Variants in FAM222B observed in about 807,000 individuals in gnomAD.
FAM222B encodes protein FAM222B.
A neutral mutation model predicts 38.0 loss-of-function variants in FAM222B; 12 were observed. The observed-to-expected ratio is 0.32, with a 90% CI of 0.20 to 0.51. FAM222B has a LOEUF of 0.51. Among genes scored for constraint, FAM222B ranks in the 20% least tolerant of loss-of-function variants. FAM222B has a pLI of 0.97. For missense variants in FAM222B, 716 were observed against 754.2 expected, an observed-to-expected ratio of 0.95 and a Z score of 0.59; for synonymous variants, 329 against 317.2, an observed-to-expected ratio of 1.04 and a Z score of -0.40.
chr17:28,792,794 AAAAAG>A (rs1377560404), intron 1 of FAM222B, among the ~76,000 whole-genome samples: 2 of 151,464 alleles, frequency 1.3e-5, no homozygotes, highest in Admixed American at 1.3e-4. Flanking sequence ...AAAAAAAAAA[AAAAAG>A]AAAGAAGAAA....
intron 1 of FAM222B, among the ~76,000 whole-genome samples, chr17:28,841,796 G>T (rs1567910606): frequency 6.6e-6 from 1 of 152,150 alleles, no homozygotes; most frequent in Non-Finnish European, 1.5e-5. Flanking sequence ...GCTGCAAACC[G>T]TTTGTAAAAA....
chr17:28,846,523 GC>G (rs2039147165), upstream of FAM222B, among the ~76,000 whole-genome samples: 1 of 151,958 alleles, frequency 6.6e-6, no homozygotes, highest in South Asian at 2.1e-4. Flanking sequence ...CAAAAAATTA[GC>G]CGGGTGTGGT....
At chr17:28,841,190 G>C (rs2039025396) in intron 1 of FAM222B, among the ~76,000 whole-genome samples, 9 of 151,880 alleles carry the variant, frequency 5.9e-5, no homozygotes, top group Admixed American at 5.2e-4. Flanking sequence ...AGCTACTCAG[G>C]AGGCTGAGAC....
chr17:28,847,773 G>A (rs977824509), upstream of FAM222B, among the ~76,000 whole-genome samples: 1 of 151,788 alleles, frequency 6.6e-6, no homozygotes, highest in African/African-American at 2.4e-5. Flanking sequence ...AATGAGCCGG[G>A]CGCCATGGCG....
At chr17:28,847,223 GAAAA>G (rs150303077), upstream of FAM222B, among the ~76,000 whole-genome samples, 2 of 142,274 alleles carry the variant, frequency 1.4e-5, no homozygotes, top group Non-Finnish European at 3.1e-5. Context: ...CGTCTCAAAA[GAAAA>G]AAAAAAGAAA....
intron 1 of FAM222B, among the ~76,000 whole-genome samples, chr17:28,804,776 C>T (rs765736157): frequency 2.0e-5 from 3 of 152,126 alleles, no homozygotes; most frequent in Non-Finnish European, 2.9e-5. Flanking sequence ...GGTGCGGTGG[C>T]TCACGCCTAT....
intron 1 of FAM222B, among the ~76,000 whole-genome samples, chr17:28,821,852 C>T (rs1037334957): frequency 3.3e-5 from 5 of 151,782 alleles, no homozygotes; most frequent in South Asian, 4.2e-4. Flanking sequence ...ATCCCAGCTA[C>T]TCAGGAGGCT....
At chr17:28,848,412 A>G (rs1278128212) in intron 1 of FAM222B, among the ~76,000 whole-genome samples, 2 of 152,092 alleles carry the variant, frequency 1.3e-5, no homozygotes, top group African/African-American at 4.8e-5. Flanking sequence ...TATATTGTAT[A>G]TAATGAATTA....
chr17:28,833,756 A>T (rs1351865387), intron 1 of FAM222B, among the ~76,000 whole-genome samples: 8 of 152,180 alleles, frequency 5.3e-5, no homozygotes, highest in Non-Finnish European at 1.2e-4. Context: ...TGAACAACAT[A>T]TAAAGCAACT....
intron 1 of FAM222B, among the ~76,000 whole-genome samples, chr17:28,789,775 T>C (rs1196285543): frequency 6.6e-6 from 1 of 152,208 alleles, no homozygotes; most frequent in East Asian, 1.9e-4. Context: ...GAGTCTAATA[T>C]ATCTTATTGT....
intron 1 of FAM222B, among the ~76,000 whole-genome samples, chr17:28,813,680 T>G (rs972746092): frequency 5.9e-5 from 9 of 151,264 alleles, no homozygotes; most frequent in African/African-American, 2.2e-4. Flanking sequence ...GGACTACAGG[T>G]GGCCGCCATC....
At chr17:28,850,839 C>T (rs950276653) in intron 1 of FAM222B, among the ~76,000 whole-genome samples, 1 of 152,084 alleles carries the variant, frequency 6.6e-6, no homozygotes, top group East Asian at 1.9e-4. Context: ...AAAAATGTTC[C>T]GCCAGGCATG....
chr17:28,802,644 G>T, intron 1 of FAM222B: 1 of 177,852 alleles, frequency 5.6e-6, no homozygotes, highest in South Asian at 1.4e-4. Context: ...ATTGATAGCA[G>T]GCTCAACAAA....
chr17:28,851,498 C>T (rs945157608), intron 1 of FAM222B, among the ~76,000 whole-genome samples: 1 of 152,016 alleles, frequency 6.6e-6, no homozygotes, highest in African/African-American at 2.4e-5. Flanking sequence ...CATGCCATTG[C>T]ACTCCAGCCT....
At chr17:28,799,192 G>A (rs1301278080) in intron 1 of FAM222B, among the ~76,000 whole-genome samples, 1 of 139,324 alleles carries the variant, frequency 7.2e-6, no homozygotes. Flanking sequence ...CCAGGATAGT[G>A]TCGATCTCTT....
intron 1 of FAM222B, among the ~76,000 whole-genome samples, chr17:28,797,934 T>C (rs1250639169): frequency 6.6e-6 from 1 of 151,178 alleles, no homozygotes; most frequent in Non-Finnish European, 1.5e-5. Flanking sequence ...GTGTGCACCT[T>C]TGGTCCCAGC....
At position 28,759,289 on chromosome 17, in the gene FAM222B, T is replaced by C. The variant is rs1281142335; in HGVS notation, c.670A>G (p.Asn224Asp). The C allele has an allele frequency of 6.2e-7, 1 of 1,612,560 alleles. No individual in the cohort carries two copies. Among genetic ancestry groups the C allele is most frequent in the East Asian group, 2.2e-5 (1 of 44,824 alleles). The change falls in exon 3 of 3, where the codon AAT (asparagine) becomes GAT (aspartate). Residue 224 changes from asparagine to aspartate, a missense_variant. By Grantham distance (23) the Asn-to-Asp change is conservative (BLOSUM62 1). Transcript: ENST00000581407. The surrounding 1 kb of genome is among the most constrained non-coding windows in gnomAD (Gnocchi z 4.8). ...TTCCGGCCTCCATGCAGCAAGGGATTGTGGGGGTGCTGGAGACCCTGGTGA... is the reference window on the plus strand; with the variant it reads ...TTCCGGCCTCCATGCAGCAAGGGATCGTGGGGGTGCTGGAGACCCTGGTGA... ...LAHQGLQHPH[N>D]PLLHGGRKMP...
upstream of FAM222B, chr17:28,842,882 CTCAGTGCCTGA>C: frequency 6.6e-6 from 1 of 152,534 alleles, no homozygotes; most frequent in East Asian, 1.9e-4. Context: ...GGGCGTCTTC[CTCAGTGCCTGA>C]TGGTCTGGAC....
At chr17:28,762,306 C>T (rs975997921) in intron 2 of FAM222B, 1 of 152,144 alleles carries the variant, frequency 6.6e-6, no homozygotes, top group Admixed American at 6.6e-5. Flanking sequence ...CCATCTACCT[C>T]ACATACCAGA....
Sources: allele counts gnomAD v4.1 joint callset (sites outside exome capture counted in the v4.1 genomes callset), GRCh38; gene constraint gnomAD v4.1.1; non-coding constraint Gnocchi (gnomAD v3.1); transcripts MANE v1.5; gene names NCBI Gene and HGNC (gene_info 2026-07-23, HGNC 2026-07-21).